NTRK3: variants seen among roughly 807,000 people sequenced by gnomAD.
NTRK3 encodes the protein neurotrophic receptor tyrosine kinase 3.
NTRK3 carries 24 observed loss-of-function variants against 91.7 expected under a neutral mutation model. The observed-to-expected ratio is 0.26, with a 90% CI of 0.19 to 0.37. The LOEUF (loss-of-function observed/expected upper bound fraction) is 0.37. Among genes scored for constraint, NTRK3 ranks in the 10% least tolerant of loss-of-function variants. The pLI is 1.00. For synonymous variants in NTRK3, 483 were observed against 404.0 expected (o/e 1.20, Z -2.34); for missense variants, 880 against 1,068.9 (o/e 0.82, Z 2.46).
intron 17 of NTRK3, among the ~76,000 whole-genome samples, chr15:87,893,771 A>T (rs1397942999): frequency 6.6e-6 from 1 of 152,210 alleles, no homozygotes; most frequent in African/African-American, 2.4e-5. Flanking sequence ...CAGGACACGA[A>T]GTAACCCATA....
exon 19 of NTRK3, chr15:87,870,832 T>C (rs2064810412): frequency 4.4e-6 from 1 of 224,852 alleles, no homozygotes; most frequent in African/African-American, 2.2e-5. Flanking sequence ...TCTTGATACA[T>C]CTTCTATTAG....
At chr15:87,937,071 C>T (rs2069362352) in intron 15 of NTRK3, among the ~76,000 whole-genome samples, 1 of 152,214 alleles carries the variant, frequency 6.6e-6, no homozygotes, top group African/African-American at 2.4e-5. Context: ...CTCCTTTTGC[C>T]AGAAAACTCT....
chr15:88,143,543 C>G lies in NTRK3; in HGVS notation c.464+3792G>C, dbSNP rs147687671. Among the ~76,000 whole-genome samples, 858 of 152,334 alleles carry G rather than the reference C, an allele frequency of 5.6e-3. 11 individuals are homozygous for G. Among genetic ancestry groups the G allele is most frequent in the Non-Finnish European group, 5.7e-3 (387 of 68,036 alleles). ...AATGAATACAGCTAATAACTTAACT[C>G]TCTAAGGTTCTCTTTTAACACCAGC... On this transcript the variant is annotated intron_variant, in intron 6 of 18. Coordinates refer to ENST00000394480, the Ensembl canonical transcript of NTRK3.
chr15:88,122,428 A>G (rs2052819294), intron 13 of NTRK3, among the ~76,000 whole-genome samples: 1 of 152,208 alleles, frequency 6.6e-6, no homozygotes, highest in African/African-American at 2.4e-5. Flanking sequence ...AGCTTCAGTC[A>G]GTGAACTGGA....
chr15:87,868,323 T>C (rs962352239), exon 19 of NTRK3: 1 of 227,870 alleles, frequency 4.4e-6, no homozygotes, highest in Non-Finnish European at 8.7e-6. Context: ...GTATGATTTT[T>C]ACCTTTTTCA....
intron 13 of NTRK3, among the ~76,000 whole-genome samples, chr15:88,038,759 CA>C (rs2079308388): frequency 6.6e-6 from 1 of 152,098 alleles, no homozygotes; most frequent in South Asian, 2.1e-4. Flanking sequence ...AGTCTCCCCA[CA>C]AAACACACAC....
chr15:88,022,058 A>T (rs1479102253), intron 14 of NTRK3, among the ~76,000 whole-genome samples: 1 of 152,126 alleles, frequency 6.6e-6, no homozygotes, highest in African/African-American at 2.4e-5. Flanking sequence ...TCTCCCTGTG[A>T]AAAGCAAGTG....
At position 88,255,966 on chromosome 15, in the gene NTRK3, C is replaced by T; in HGVS notation, c.188G>A (p.Gly63Glu). The T allele has an allele frequency of 6.2e-7, 1 of 1,613,514 alleles. No homozygotes were observed. The change falls in exon 3 of 19, where the codon GGG becomes GAG. Residue 63 changes from glycine (G) to glutamate (E), a missense_variant. Gly to Glu is a moderately conservative substitution (Grantham distance 98). This residue lies in a region of NTRK3 where 743 missense variants were observed against 868.6 expected (regional missense o/e 0.86). Coordinates refer to ENST00000394480, the Ensembl canonical transcript of NTRK3. This position sits in a 1 kb window ranked among gnomAD's most constrained non-coding sequence, Gnocchi z 4.3. ...GATACTGGCGTTCCCATTGCTGTTC[C>T]CTGAATCCTGCCCTTCCAGGAGGGG...
intron 14 of NTRK3, among the ~76,000 whole-genome samples, chr15:87,957,751 A>G (rs2071821631): frequency 6.6e-6 from 1 of 152,226 alleles, no homozygotes. Context: ...AGACTATGAA[A>G]GAGGACTGAA....
chr15:87,921,289 A>G (rs2067848170), intron 17 of NTRK3, among the ~76,000 whole-genome samples: 2 of 152,344 alleles, frequency 1.3e-5, no homozygotes, highest in South Asian at 2.1e-4. Flanking sequence ...GTCACTGGAC[A>G]ACCAGTACAA....
At chr15:88,137,629 T>C (rs1053479055) in intron 6 of NTRK3, 68 bp from the exon 7 acceptor site, 4 of 1,561,680 alleles carry the variant, frequency 2.6e-6, no homozygotes, top group Non-Finnish European at 3.5e-6. Flanking sequence ...CCCAGGGCTA[T>C]GAGGACAAGG....
chr15:88,106,955 T>G lies in NTRK3; in HGVS notation c.1396+19316A>C, dbSNP rs1327680260. On this transcript the variant is annotated intron_variant, in intron 13 of 18. Transcript: ENST00000394480. ...CTCAAAAAGTAAAAAAAAAAAAAAG[T>G]ATGGGAATATAGATACTCAGGTACA... Among the ~76,000 whole-genome samples the G allele has an allele frequency of 4.0e-5, 6 of 149,586 alleles. 1 individual carries two copies. The East Asian group carries it at 1.2e-3, about 30-fold the overall frequency.
At chr15:88,201,347 A>G (rs769672562) in intron 3 of NTRK3, among the ~76,000 whole-genome samples, 5 of 152,180 alleles carry the variant, frequency 3.3e-5, no homozygotes, top group African/African-American at 4.8e-5. Flanking sequence ...AAGTGTGCAG[A>G]CACCTACCAC....
chr15:88,150,930 T>C (rs2043314898), intron 5 of NTRK3, among the ~76,000 whole-genome samples: 1 of 152,104 alleles, frequency 6.6e-6, no homozygotes, highest in Non-Finnish European at 1.5e-5. Context: ...GATTTTTCCT[T>C]CTAGCTGGGG....
chr15:87,945,175 T>C (rs891432928), intron 14 of NTRK3, among the ~76,000 whole-genome samples: 1 of 152,158 alleles, frequency 6.6e-6, no homozygotes, highest in Non-Finnish European at 1.5e-5. Context: ...GAGGCTGCTA[T>C]GTAATGGGAA....
At chr15:88,091,383 A>G (rs1432783387) in intron 13 of NTRK3, among the ~76,000 whole-genome samples, 2 of 152,332 alleles carry the variant, frequency 1.3e-5, no homozygotes, top group Non-Finnish European at 1.5e-5. Flanking sequence ...TAAAAATTAA[A>G]TGACAGTTCA....
chr15:87,917,861 G>A (rs1191757466), intron 17 of NTRK3, among the ~76,000 whole-genome samples: 2 of 152,148 alleles, frequency 1.3e-5, no homozygotes, highest in East Asian at 1.9e-4. Context: ...CTGGCACCAT[G>A]CTTCTTGCAC....
intron 14 of NTRK3, among the ~76,000 whole-genome samples, chr15:88,013,085 A>C (rs1168341853): frequency 1.0e-5 from 1 of 99,774 alleles, no homozygotes; most frequent in Admixed American, 1.0e-4. Flanking sequence ...CCAGCAGCTG[A>C]AACCGTGCAC....
At chr15:87,874,848 T>C (rs1320876947) in exon 19 of NTRK3, 1 of 231,376 alleles carries the variant, frequency 4.3e-6, no homozygotes, top group East Asian at 6.1e-5. Context: ...AAGGAGTTCC[T>C]TGAGGTGGTC....
Sources: allele counts gnomAD v4.1 joint callset (sites outside exome capture counted in the v4.1 genomes callset), GRCh38; gene constraint gnomAD v4.1.1; regional missense constraint gnomAD v4.1.1; non-coding constraint Gnocchi (gnomAD v3.1); transcripts MANE v1.5; gene names NCBI Gene and HGNC (gene_info 2026-07-23, HGNC 2026-07-21).